Variants in MSI2 observed in about 807,000 individuals in gnomAD.
MSI2 encodes the protein RNA-binding protein Musashi homolog 2.
MSI2 carries 17 observed loss-of-function variants against 45.6 expected under a neutral mutation model. The observed-to-expected ratio is 0.37, with a 90% CI of 0.26 to 0.56. MSI2 has a LOEUF of 0.56. MSI2 is among the 20% of genes least tolerant of loss of function. MSI2 has a pLI of 0.77. For synonymous variants in MSI2, 156 were observed against 158.2 expected, an observed-to-expected ratio of 0.99 and a Z score of 0.11; for missense variants, 293 against 444.2, an observed-to-expected ratio of 0.66 and a Z score of 3.06.
At chr17:57,597,466 TAAAA>T (rs35606406) in intron 8 of MSI2, among the ~76,000 whole-genome samples, 54 of 87,112 alleles carry the variant, frequency 6.2e-4, no homozygotes, top group Non-Finnish European at 6.6e-4. Context: ...CCTCATCTCT[TAAAA>T]AAAAAAAAAA....
At position 57,652,286 on chromosome 17, in the gene MSI2, G is replaced by T. The variant is rs1048985633; in HGVS notation, c.790+125G>T. 2 of 996,090 alleles carry T rather than the reference G, an allele frequency of 2.0e-6. No individual in the cohort carries two copies. The highest frequency in any genetic ancestry group is 1.5e-5 in the South Asian group (1 of 65,446). The allele number at this position is 996,090 out of a possible 1,614,324, so 61.7% of individuals were successfully genotyped here. A position where few individuals can be genotyped will look rare whatever the true frequency, so the allele number is the denominator to read the frequency against. On this transcript the variant is annotated intron_variant, in intron 11 of 13. Transcript: ENST00000284073. This position sits in a 1 kb window ranked among gnomAD's most constrained non-coding sequence, Gnocchi z 4.1. ...CCACTCTCACCACAGCCCCGGGGAG[G>T]GGGTGGACGGGGAGGGGGTGGACCG... is the stretch of plus-strand genomic sequence containing the variant.
At chr17:57,556,633 G>T (rs1414540790) in intron 7 of MSI2, among the ~76,000 whole-genome samples, 1 of 152,194 alleles carries the variant, frequency 6.6e-6, no homozygotes, top group Non-Finnish European at 1.5e-5. Flanking sequence ...GGACTGATTG[G>T]CTGGTTGGGT....
intron 6 of MSI2, among the ~76,000 whole-genome samples, chr17:57,485,992 G>A (rs151196973): frequency 2.9e-4 from 44 of 152,316 alleles, no homozygotes; most frequent in African/African-American, 7.9e-4. Context: ...AGGGAAAGCC[G>A]TTAGGGTACT....
At position 57,430,385 on chromosome 17, in the gene MSI2, T is replaced by C. The variant is rs139279332; in HGVS notation, c.405+28914T>C. Among the ~76,000 whole-genome samples, 10 of 152,340 alleles carry C rather than the reference T, an allele frequency of 6.6e-5. 1 individual carries two copies. The highest frequency in any genetic ancestry group is 2.4e-4 in the African/African-American group (10 of 41,570). ...TTATCATGTGGTTGTCTGGTGTTGG[T>C]AATCAGTGTCCACACTGCCCCTGGG... is the stretch of plus-strand genomic sequence containing the variant. On this transcript the variant is annotated intron_variant, in intron 6 of 13. Coordinates refer to ENST00000284073, the MANE Select transcript of MSI2 (RefSeq NM_138962.4).
intron 5 of MSI2, among the ~76,000 whole-genome samples, chr17:57,358,546 A>G (rs764512458): frequency 6.6e-6 from 1 of 152,180 alleles, no homozygotes; most frequent in Non-Finnish European, 1.5e-5. Context: ...GTGATGTATT[A>G]GAAAGGTGAA....
chr17:57,434,257 A>C (rs2084651602), intron 6 of MSI2, among the ~76,000 whole-genome samples: 1 of 151,838 alleles, frequency 6.6e-6, no homozygotes, highest in African/African-American at 2.4e-5. Flanking sequence ...CTGCCACCAC[A>C]CCCAGCTAAT....
chr17:57,613,657 A>G (rs1016474801), intron 8 of MSI2, among the ~76,000 whole-genome samples: 2 of 152,168 alleles, frequency 1.3e-5, no homozygotes, highest in Admixed American at 6.5e-5. Flanking sequence ...ACATCAAACA[A>G]TGCTTTCATC....
At chr17:57,271,005 AT>A (rs1416709693) in intron 5 of MSI2, among the ~76,000 whole-genome samples, 1 of 152,122 alleles carries the variant, frequency 6.6e-6, no homozygotes, top group African/African-American at 2.4e-5. Context: ...CCTTTTCCGT[AT>A]CTGATGCCTG....
chr17:57,350,905 G>A (rs895263431), intron 5 of MSI2, among the ~76,000 whole-genome samples: 4 of 152,160 alleles, frequency 2.6e-5, no homozygotes, highest in African/African-American at 7.2e-5. Flanking sequence ...TTACAGAGGT[G>A]TAGACAGGGT....
chr17:57,497,568 A>G (rs1476737372), intron 6 of MSI2, among the ~76,000 whole-genome samples: 1 of 152,204 alleles, frequency 6.6e-6, no homozygotes, highest in African/African-American at 2.4e-5. Context: ...AAAGACAGCT[A>G]CGTCTCTCTA....
intron 6 of MSI2, among the ~76,000 whole-genome samples, chr17:57,438,910 C>T (rs1433895298): frequency 6.6e-6 from 1 of 152,006 alleles, no homozygotes; most frequent in Non-Finnish European, 1.5e-5. Flanking sequence ...AGCAATTGTC[C>T]TGCCTCAGCC....
intron 11 of MSI2, among the ~76,000 whole-genome samples, chr17:57,669,570 G>C (rs753093287): frequency 6.6e-5 from 10 of 152,230 alleles, no homozygotes; most frequent in Non-Finnish European, 1.3e-4. Context: ...GATGAAGGTA[G>C]AGGTGTGTGT....
Position 57,280,643 on chromosome 17 carries a change from G to C in MSI2, c.312+18451G>C, listed in dbSNP as rs1395317042. On this transcript the variant is annotated intron_variant, in intron 5 of 13. Coordinates refer to ENST00000284073, the MANE Select transcript of MSI2 (RefSeq NM_138962.4). The surrounding 1 kb of genome is among the most constrained non-coding windows in gnomAD (Gnocchi z 4.2). ...AGGTGTGCCTGGCTCAGGGGGTTGA[G>C]TGTAACCCCTTGGCTGGCAATCGGC... is the stretch of plus-strand genomic sequence containing the variant. Among the ~76,000 whole-genome samples, 1 of 152,190 alleles carries C rather than the reference G, an allele frequency of 6.6e-6. No homozygotes were observed. The highest frequency in any genetic ancestry group is 1.9e-4 in the East Asian group (1 of 5,186).
At chr17:57,590,787 G>T (rs1904757307) in intron 7 of MSI2, among the ~76,000 whole-genome samples, 1 of 152,156 alleles carries the variant, frequency 6.6e-6, no homozygotes, top group Non-Finnish European at 1.5e-5. Context: ...GGTGAGAAGG[G>T]TTTCTTTGGT....
Position 57,616,094 on chromosome 17 carries a change from G to T in MSI2, c.652+10G>T, listed in dbSNP as rs752203829. 1.2e-6 allele frequency: 2 copies of T among 1,610,346 alleles called. No individual in the cohort carries two copies. Among genetic ancestry groups the T allele is most frequent in the Non-Finnish European group, 1.7e-6 (2 of 1,177,042 alleles). ...GGCATGGGGATGCTGGGTGAGTCTG[G>T]ACAGGACCGCAGGTCACCATGGACT... On this transcript the variant is annotated intron_variant, in intron 9 of 13. Transcript: ENST00000284073.
At chr17:57,675,453 T>C (rs1187823214) in intron 12 of MSI2, among the ~76,000 whole-genome samples, 1 of 152,224 alleles carries the variant, frequency 6.6e-6, no homozygotes, top group Non-Finnish European at 1.5e-5. Context: ...AGAATCTCTA[T>C]GCTTTCCTCA....
chr17:57,424,650 TGCTTCAGGGGTG>T (rs1427128388), intron 6 of MSI2, among the ~76,000 whole-genome samples: 1 of 152,122 alleles, frequency 6.6e-6, no homozygotes, highest in Non-Finnish European at 1.5e-5. Context: ...CATCTCCTGA[TGCTTCAGGGGTG>T]GCTTCCATAT....
At chr17:57,639,833 AG>A (rs1910118185) in intron 10 of MSI2, among the ~76,000 whole-genome samples, 1 of 152,188 alleles carries the variant, frequency 6.6e-6, no homozygotes, top group Non-Finnish European at 1.5e-5. Context: ...GATTCAGGTA[AG>A]GCCAGGAGCA....
At chr17:57,450,255 T>TAGAAAGAAAGAAAG (rs1567830518) in intron 6 of MSI2, 23 of 75,992 alleles carry the variant, frequency 3.0e-4, no homozygotes, top group African/African-American at 9.1e-4. Context: ...TTCCCCAGCT[T>TAGAAAGAAAGAAAG]AAAGAAAGAA....
Sources: gnomAD v4.1 joint callset for allele counts (sites outside exome capture counted in the v4.1 genomes callset) on GRCh38, gnomAD v4.1.1 for gene constraint, Gnocchi (gnomAD v3.1) non-coding constraint, MANE v1.5 for transcripts, NCBI Gene and HGNC (gene_info 2026-07-23, HGNC 2026-07-21) for gene names.